LRRC4C: variants seen among roughly 807,000 people sequenced by gnomAD.
LRRC4C encodes the protein leucine-rich repeat-containing protein 4C.
LRRC4C carries 5 observed loss-of-function variants against 33.6 expected under a neutral mutation model. The observed-to-expected ratio is 0.15, with a 90% CI of 0.08 to 0.31. The LOEUF (loss-of-function observed/expected upper bound fraction) is 0.31. LRRC4C is among the 10% of genes least tolerant of loss of function. LRRC4C has a pLI of 1.00. For missense variants in LRRC4C, 560 were observed against 796.7 expected (o/e 0.70, Z 3.58); for synonymous variants, 329 against 302.0 (o/e 1.09, Z -0.93).
chr11:40,592,846 T>G (rs1357847852), intron 3 of LRRC4C, among the ~76,000 whole-genome samples: 1 of 152,204 alleles, frequency 6.6e-6, no homozygotes, highest in Non-Finnish European at 1.5e-5. Flanking sequence ...GTGTATCTTG[T>G]CTTTGGTTGA....
chr11:40,389,622 T>C (rs1949260505), intron 3 of LRRC4C, among the ~76,000 whole-genome samples: 1 of 152,190 alleles, frequency 6.6e-6, no homozygotes, highest in Admixed American at 6.5e-5. Flanking sequence ...CATCTTACTT[T>C]AGGCTCAAGG....
chr11:41,277,992 T>C (rs918471144), intron 1 of LRRC4C, among the ~76,000 whole-genome samples: 4 of 152,166 alleles, frequency 2.6e-5, no homozygotes, highest in Middle Eastern at 3.4e-3. Context: ...GTTGATCTCA[T>C]AGCAGTAGAG....
Position 41,109,276 on chromosome 11 carries a change from T to C in LRRC4C, c.-495-175553A>G, listed in dbSNP as rs141062474. Among the ~76,000 whole-genome samples, 24 of 152,192 alleles carry C rather than the reference T, an allele frequency of 1.6e-4. No homozygotes were observed. The East Asian group carries it at 4.5e-3, about 28-fold the overall frequency. Reference sequence around the variant, plus strand: ...GAGATTCAGAGTGGAAAATAATTACTGACGGATTTCAATTGCTAAAAGACA... The same window carrying C: ...GAGATTCAGAGTGGAAAATAATTACCGACGGATTTCAATTGCTAAAAGACA... On this transcript the variant is annotated intron_variant, in intron 1 of 6. Coordinates refer to ENST00000528697, the MANE Select transcript of LRRC4C (RefSeq NM_001258419.2).
At chr11:41,291,669 A>C (rs1449384867) in intron 1 of LRRC4C, among the ~76,000 whole-genome samples, 2 of 152,120 alleles carry the variant, frequency 1.3e-5, no homozygotes, top group African/African-American at 4.8e-5. Flanking sequence ...GGTTCTCCCT[A>C]CTCTTCCAAA....
chr11:41,226,300 A>G (rs1399683588), intron 1 of LRRC4C, among the ~76,000 whole-genome samples: 5 of 152,128 alleles, frequency 3.3e-5, no homozygotes, highest in Non-Finnish European at 7.4e-5. Flanking sequence ...GAGAATTGGG[A>G]CTGAATCCAA....
intron 3 of LRRC4C, among the ~76,000 whole-genome samples, chr11:40,506,555 T>G (rs1032302917): frequency 6.6e-6 from 1 of 152,100 alleles, no homozygotes; most frequent in Non-Finnish European, 1.5e-5. Flanking sequence ...AGCGGGAACA[T>G]GGCCAAAGGA....
chr11:40,736,858 TTG>T (rs1448562528), intron 2 of LRRC4C, among the ~76,000 whole-genome samples: 3 of 53,906 alleles, frequency 5.6e-5, no homozygotes, highest in African/African-American at 2.8e-4. Context: ...TTTGATGCGG[TTG>T]TTTTTTTTTT....
At chr11:40,244,517 G>A (rs1177605536) in intron 4 of LRRC4C, among the ~76,000 whole-genome samples, 3 of 152,164 alleles carry the variant, frequency 2.0e-5, no homozygotes, top group Admixed American at 6.5e-5. Flanking sequence ...TGCAGCCCAA[G>A]AGACTTTGTT....
At chr11:40,712,603 T>C (rs1282548817) in intron 2 of LRRC4C, among the ~76,000 whole-genome samples, 2 of 152,078 alleles carry the variant, frequency 1.3e-5, no homozygotes, top group Non-Finnish European at 2.9e-5. Flanking sequence ...TATATTAACA[T>C]TAATATAAAA....
chr11:40,451,516 GC>G (rs1182478331), intron 3 of LRRC4C, among the ~76,000 whole-genome samples: 1 of 151,432 alleles, frequency 6.6e-6, no homozygotes, highest in African/African-American at 2.4e-5. Flanking sequence ...CTCCTGAGTA[GC>G]TGGGACTACA....
rs113244054 is a variant in LRRC4C at position 40,834,214 on chromosome 11, C to T, written c.-407+99421G>A. ...TTTGGCCAGGTGCGGTGGCTCATGC[C>T]TGTAATCCCAGCACTTTGGGAGGCT... On this transcript the variant is annotated intron_variant, in intron 2 of 6. Coordinates refer to ENST00000528697, the MANE Select transcript of LRRC4C (RefSeq NM_001258419.2). Among the ~76,000 whole-genome samples the T allele has an allele frequency of 9.1e-3, 1,389 of 152,164 alleles. 11 individuals carry two copies. The highest frequency in any genetic ancestry group is 0.017 in the South Asian group (83 of 4,820).
intron 3 of LRRC4C, among the ~76,000 whole-genome samples, chr11:40,458,488 A>G (rs149960305): frequency 6.6e-5 from 10 of 152,284 alleles, no homozygotes; most frequent in Admixed American, 3.3e-4. Context: ...TAATTCTTGT[A>G]TTCTTGCCAC....
At chr11:40,827,075 GT>G (rs1952197596) in intron 2 of LRRC4C, among the ~76,000 whole-genome samples, 1 of 151,718 alleles carries the variant, frequency 6.6e-6, no homozygotes, top group Admixed American at 6.6e-5. Flanking sequence ...TAAAGTTAAA[GT>G]TTTTGATTCC....
At chr11:40,696,438 AC>A (rs1945536802) in intron 2 of LRRC4C, among the ~76,000 whole-genome samples, 1 of 148,878 alleles carries the variant, frequency 6.7e-6, no homozygotes, top group East Asian at 2.0e-4. Context: ...TTATATATAT[AC>A]ATATATATAT....
intron 1 of LRRC4C, among the ~76,000 whole-genome samples, chr11:41,452,163 G>A (rs78842840): frequency 0.024 from 3,680 of 152,128 alleles, 161 homozygotes; most frequent in African/African-American, 0.084. Flanking sequence ...TATGGTCACA[G>A]GTTTTAATTC....
chr11:41,320,776 G>T (rs1950934136), intron 1 of LRRC4C, among the ~76,000 whole-genome samples: 1 of 152,078 alleles, frequency 6.6e-6, no homozygotes, highest in African/African-American at 2.4e-5. Context: ...TTGGTCCTCT[G>T]CTCAGGAGCT....
At chr11:40,620,827 G>T (rs1477291907) in intron 3 of LRRC4C, among the ~76,000 whole-genome samples, 1 of 151,722 alleles carries the variant, frequency 6.6e-6, no homozygotes, top group Admixed American at 6.6e-5. Flanking sequence ...TCATTGGTAG[G>T]GAAAGTACAA....
chr11:40,137,120 T>C (rs913395775), intron 6 of LRRC4C, among the ~76,000 whole-genome samples: 4 of 151,940 alleles, frequency 2.6e-5, no homozygotes, highest in East Asian at 1.9e-4. Context: ...CTTAAAGAAG[T>C]TTATTTTGAT....
chr11:41,098,461 C>A (rs1243661362), intron 1 of LRRC4C, among the ~76,000 whole-genome samples: 1 of 152,098 alleles, frequency 6.6e-6, no homozygotes, highest in Non-Finnish European at 1.5e-5. Context: ...TGGCTTTCTG[C>A]AAAATCAGAT....
Sources: allele counts gnomAD v4.1 joint callset (sites outside exome capture counted in the v4.1 genomes callset), GRCh38; gene constraint gnomAD v4.1.1; transcripts MANE v1.5; gene names NCBI Gene and HGNC (gene_info 2026-07-23, HGNC 2026-07-21).